The following LRIG2 variants were observed in gnomAD, a reference collection of about 807,000 sequenced individuals.
The protein encoded by LRIG2 is leucine-rich repeats and immunoglobulin-like domains protein 2.
LRIG2 carries 93 observed loss-of-function variants against 107.8 expected under a neutral mutation model. The observed-to-expected ratio is 0.86, with a 90% CI of 0.73 to 1.03. LRIG2 has a LOEUF of 1.03. LRIG2 is among the 50% of genes least tolerant of loss of function. The pLI is 0.00. For missense variants in LRIG2, 1,226 were observed against 1,296.0 expected, an observed-to-expected ratio of 0.95 and a Z score of 0.83; for synonymous variants, 471 against 470.6, an observed-to-expected ratio of 1.00 and a Z score of -0.01.
intron 15 of LRIG2, 48 bp from the exon 16 acceptor site, chr1:113,116,239 T>A: frequency 6.5e-7 from 1 of 1,547,700 alleles, no homozygotes; most frequent in African/African-American, 1.4e-5. Context: ...CTTCTGAGTG[T>A]TGGCTTCAAC....
At chr1:113,102,578 T>C (rs1396022000) in intron 11 of LRIG2, among the ~76,000 whole-genome samples, 2 of 152,052 alleles carry the variant, frequency 1.3e-5, no homozygotes, top group Non-Finnish European at 2.9e-5. Context: ...CCTGTCAAGA[T>C]ATTTTTTTTT....
intron 8 of LRIG2, among the ~76,000 whole-genome samples, chr1:113,098,136 C>G (rs1654145014): frequency 6.6e-6 from 1 of 152,154 alleles, no homozygotes; most frequent in South Asian, 2.1e-4. Flanking sequence ...TTTAGGAGAT[C>G]CATACTTTCC....
intron 1 of LRIG2, among the ~76,000 whole-genome samples, chr1:113,078,638 AT>A (rs34531634): frequency 0.37 from 51,725 of 138,806 alleles, 9,045 homozygotes; most frequent in East Asian, 0.63. Context: ...TCCTTTCTAC[AT>A]TTTTTTTTTT....
chr1:113,093,724 GTAAC>G (rs1487724982), intron 4 of LRIG2, among the ~76,000 whole-genome samples, 160 bp downstream of exon 4: 1 of 151,952 alleles, frequency 6.6e-6, no homozygotes, highest in African/African-American at 2.4e-5. Flanking sequence ...GTATACATAT[GTAAC>G]TAACCTGCAC....
At chr1:113,098,358 A>T (rs1440651059) in intron 8 of LRIG2, among the ~76,000 whole-genome samples, 1 of 152,162 alleles carries the variant, frequency 6.6e-6, no homozygotes, top group Non-Finnish European at 1.5e-5. Context: ...TGCATCTTGA[A>T]ACCCTCCTGC....
chr1:113,083,997 TATAATA>T (rs55895711), intron 1 of LRIG2, among the ~76,000 whole-genome samples: 36,604 of 125,352 alleles, frequency 0.29, 5,086 homozygotes, highest in Middle Eastern at 0.36. Context: ...GAACTTAAAG[TATAATA>T]ATAATAATAA....
intron 14 of LRIG2, among the ~76,000 whole-genome samples, chr1:113,113,014 G>T (rs1216438500): frequency 6.6e-6 from 1 of 152,030 alleles, no homozygotes; most frequent in Non-Finnish European, 1.5e-5. Context: ...TCCTTTATCA[G>T]CTTATCTTTT....
At chr1:113,079,857 G>A (rs926864820) in intron 1 of LRIG2, among the ~76,000 whole-genome samples, 12 of 145,768 alleles carry the variant, frequency 8.2e-5, no homozygotes, top group African/African-American at 3.1e-4. Context: ...AGCCTCCCAA[G>A]TAGCTGGGAT....
At chr1:113,078,462 C>T (rs1570720191) in intron 1 of LRIG2, among the ~76,000 whole-genome samples, 1 of 151,896 alleles carries the variant, frequency 6.6e-6, no homozygotes, top group Non-Finnish European at 1.5e-5. Flanking sequence ...TGGTCTTGAA[C>T]TCCTGACCTC....
chr1:113,094,440 T>C lies in LRIG2; in HGVS notation c.617T>C (p.Met206Thr). 1 of 1,612,972 alleles carries C rather than the reference T, an allele frequency of 6.2e-7. No individual in the cohort carries two copies. Among genetic ancestry groups the C allele is most frequent in the South Asian group, 1.1e-5 (1 of 90,350 alleles). Residue 206 changes from methionine (M) to threonine (T), a missense_variant, in exon 5 of 18, where the codon ATG becomes ACG. Around this residue, in one of 3 missense-constraint regions of LRIG2, gnomAD observed 570 missense variants for 550.2 expected, o/e 1.04. Coordinates refer to ENST00000361127, the MANE Select transcript of LRIG2 (RefSeq NM_014813.3). ...VVKLNRNRMSMIPPKIFKLPH... is the reference protein window; with the variant it reads ...VVKLNRNRMSTIPPKIFKLPH... The stretch of plus-strand genomic sequence containing the variant: ...AAGTTAAACCGTAACCGAATGAGCA[T>C]GATTCCACCTAAGATCTTCAAGCTG...
intron 12 of LRIG2, among the ~76,000 whole-genome samples, chr1:113,108,078 A>C (rs1029587729): frequency 9.2e-5 from 14 of 152,174 alleles, no homozygotes; most frequent in Admixed American, 2.6e-4. Flanking sequence ...TGTCACCAGC[A>C]ATGTATGAAT....
At chr1:113,119,547 A>T (rs771950710) in intron 17 of LRIG2, 24 bp downstream of exon 17, 3 of 1,605,254 alleles carry the variant, frequency 1.9e-6, no homozygotes, top group South Asian at 1.1e-5. Flanking sequence ...TTTTGTTGTT[A>T]TTTTGTTTTT....
intron 6 of LRIG2, among the ~76,000 whole-genome samples, chr1:113,095,306 A>C (rs1265187156): frequency 6.6e-6 from 1 of 150,676 alleles, no homozygotes; most frequent in African/African-American, 2.4e-5. Context: ...GGCTAATGAA[A>C]ATTACCAGAA....
In LRIG2 at chr1:113,130,728, T is replaced by G; in HGVS notation, c.*6627T>G. ...TTTGTCCTTTCTAAGTCCTTTGTATTCATTTTAGAGCTCTTCAGGAAACTA... is the reference window on the plus strand; with the variant it reads ...TTTGTCCTTTCTAAGTCCTTTGTATGCATTTTAGAGCTCTTCAGGAAACTA... On this transcript the variant is annotated 3_prime_UTR_variant, in exon 18 of 18. Coordinates refer to ENST00000361127, the MANE Select transcript of LRIG2 (RefSeq NM_014813.3). 6.6e-6 allele frequency: 1 copy of G among 152,210 alleles called. No homozygotes were observed. The highest frequency in any genetic ancestry group is 6.5e-5 in the Admixed American group (1 of 15,276). The allele number at this position is 152,210 out of a possible 1,614,324, so 9.4% of individuals were successfully genotyped here.
At chr1:113,097,188 A>C (rs553187448) in intron 8 of LRIG2, among the ~76,000 whole-genome samples, 1 of 146,232 alleles carries the variant, frequency 6.8e-6, no homozygotes, top group Admixed American at 6.7e-5. Flanking sequence ...TTTATATATA[A>C]ATATATCTAA....
rs1652806502 is a variant in LRIG2, at chr1:113,073,563, C to T, written c.157C>T (p.Leu53Phe). The change falls in exon 1 of 18, where the codon CTC (leucine) becomes TTC (phenylalanine). Residue 53 changes from leucine (L) to phenylalanine (F), a missense_variant. Leu to Phe is a conservative substitution (Grantham distance 22). Coordinates refer to ENST00000361127, the MANE Select transcript of LRIG2 (RefSeq NM_014813.3). Reference protein sequence around the residue: ...CPAPCSCRIPLLDCSRRKLPA... With the variant: ...CPAPCSCRIPFLDCSRRKLPA... Reference sequence around the variant, plus strand: ...CGCGCCCTGCTCCTGCCGCATTCCTCTCCTGGACTGCAGTCGCAGGAAATT... The same window carrying T: ...CGCGCCCTGCTCCTGCCGCATTCCTTTCCTGGACTGCAGTCGCAGGAAATT... 5.6e-6 allele frequency: 9 copies of T among 1,614,140 alleles called. No individual in the cohort carries two copies. In the East Asian group the frequency reaches 6.7e-5, roughly 12 times the overall value.
chr1:113,075,692 CTTTTTTTTT>C (rs34293194), intron 1 of LRIG2, among the ~76,000 whole-genome samples: 141 of 117,732 alleles, frequency 1.2e-3, no homozygotes, highest in African/African-American at 4.5e-3. Context: ...GTGGCCTATA[CTTTTTTTTT>C]TTTTTTTTTT....
At position 113,114,880 on chromosome 1, in the gene LRIG2, A is replaced by G. The variant is rs779654710; in HGVS notation, c.2530+4A>G. On this transcript the variant is annotated splice_donor_region_variant and intron_variant, in intron 15 of 17. Coordinates refer to ENST00000361127, the MANE Select transcript of LRIG2 (RefSeq NM_014813.3). ...GACTATAGTATCACAAACACAGGTAAGTAGTACCCACATGACACCTATGGC... is the reference window on the plus strand; with the variant it reads ...GACTATAGTATCACAAACACAGGTAGGTAGTACCCACATGACACCTATGGC... 1 of 1,595,402 alleles carries G rather than the reference A, an allele frequency of 6.3e-7. No homozygotes were observed. Among genetic ancestry groups the G allele is most frequent in the South Asian group, 1.1e-5 (1 of 89,532 alleles).
At chr1:113,093,609 T>A in intron 4 of LRIG2, 45 bp downstream of exon 4, 1 of 604,270 alleles carries the variant, frequency 1.7e-6, no homozygotes, top group Non-Finnish European at 2.6e-6. Context: ...AGCACATGTT[T>A]ATGGGGACTG....
Sources: allele counts gnomAD v4.1 joint callset (sites outside exome capture counted in the v4.1 genomes callset), GRCh38; gene constraint gnomAD v4.1.1; regional missense constraint gnomAD v4.1.1; transcripts MANE v1.5; gene names NCBI Gene and HGNC (gene_info 2026-07-23, HGNC 2026-07-21).